MTR: variants seen among roughly 807,000 people sequenced by gnomAD.
MTR encodes the protein methionine synthase.
A neutral mutation model predicts 154.8 loss-of-function variants in MTR; 84 were observed. The ratio of observed to expected loss-of-function variants is 0.54; its 90% CI spans 0.45 to 0.65. The LOEUF (loss-of-function observed/expected upper bound fraction) is 0.65. MTR is among the 30% of genes least tolerant of loss of function. The pLI is 0.00. For missense variants in MTR, 1,275 were observed against 1,570.2 expected (o/e 0.81, Z 3.18); for synonymous variants, 554 against 553.9 (o/e 1.00, Z 0.00).
intron 12 of MTR, among the ~76,000 whole-genome samples, 199 bp downstream of exon 12, chr1:236,829,467 G>A (rs1662486266): frequency 6.6e-6 from 1 of 152,178 alleles, no homozygotes; most frequent in Non-Finnish European, 1.5e-5. Context: ...CAACTTTAGG[G>A]TAAAAGTGAA....
rs55748381 is a variant in MTR at position 236,838,732 on chromosome 1, A to C, written c.1515+133A>C. 352,747 of 900,232 alleles carry C rather than the reference A, an allele frequency of 0.39. 71,887 individuals are homozygous for C. The highest frequency in any genetic ancestry group is 0.46 in the East Asian group (17,401 of 37,730). The allele number at this position is 900,232 out of a possible 1,614,324, so 55.8% of individuals were successfully genotyped here. A position where few individuals can be genotyped will look rare whatever the true frequency, so the allele number is the denominator to read the frequency against. ...TCTCTTTCCATATACATTCATGTACATATATGTACACGTATCTGTATACAG... is the reference window on the plus strand; with the variant it reads ...TCTCTTTCCATATACATTCATGTACCTATATGTACACGTATCTGTATACAG... On this transcript the variant is annotated intron_variant, in intron 15 of 32. Coordinates refer to ENST00000366577, the MANE Select transcript of MTR (RefSeq NM_000254.3).
chr1:236,844,451 GGCGTGTGT>G (rs1558305063), intron 15 of MTR, among the ~76,000 whole-genome samples: 1 of 115,382 alleles, frequency 8.7e-6, no homozygotes, highest in African/African-American at 3.6e-5. Context: ...GTTCAGAAAG[GGCGTGTGT>G]GTGTGTGTGT....
chr1:236,805,788 A>G (rs192167730), intron 2 of MTR, among the ~76,000 whole-genome samples: 1 of 152,268 alleles, frequency 6.6e-6, no homozygotes, highest in East Asian at 1.9e-4. Flanking sequence ...GTGAGCCACC[A>G]TGCCTGGCTG....
In MTR at chr1:236,818,318, T is replaced by C. The variant is rs566711666; in HGVS notation, c.764+1775T>C. The stretch of plus-strand genomic sequence containing the variant: ...GTGTGAGATCTTAATAATAATGATA[T>C]AGTCTTTCCTAGCGATTAGGTAAAA... On this transcript the variant is annotated intron_variant, in intron 8 of 32. Coordinates refer to ENST00000366577, the MANE Select transcript of MTR (RefSeq NM_000254.3). Among the ~76,000 whole-genome samples, 17 of 142,392 alleles carry C rather than the reference T, an allele frequency of 1.2e-4. No individual in the cohort carries two copies. The East Asian group carries it at 3.2e-3, about 26-fold the overall frequency. The allele number at this position is 142,392 out of a possible 152,430, so 93.4% of individuals were successfully genotyped here.
chr1:236,865,776 C>A lies in MTR; in HGVS notation c.2405+2222C>A, dbSNP rs1221421930. On this transcript the variant is annotated intron_variant, in intron 22 of 32. Coordinates refer to ENST00000366577, the MANE Select transcript of MTR (RefSeq NM_000254.3). ...CCCAATTTATACAGTTCTTTAGTATCACTGATTTTTTTTTCTTTGTCACCT... is the reference window on the plus strand; with the variant it reads ...CCCAATTTATACAGTTCTTTAGTATAACTGATTTTTTTTTCTTTGTCACCT... Among the ~76,000 whole-genome samples, 8 of 152,068 alleles carry A rather than the reference C, an allele frequency of 5.3e-5. No individual in the cohort carries two copies. The East Asian group carries it at 1.4e-3, about 26-fold the overall frequency.
chr1:236,814,826 C>G (rs1258382804), intron 6 of MTR, among the ~76,000 whole-genome samples: 4 of 152,016 alleles, frequency 2.6e-5, no homozygotes, highest in Non-Finnish European at 5.9e-5. Flanking sequence ...TCTTTAGGAT[C>G]AATTTGTCTA....
intron 12 of MTR, among the ~76,000 whole-genome samples, chr1:236,830,158 T>C (rs1156532468): frequency 6.6e-6 from 1 of 151,836 alleles, no homozygotes; most frequent in African/African-American, 2.4e-5. Flanking sequence ...GGTTAACACA[T>C]ACGAACTATA....
At chr1:236,869,692 A>G (rs77633495) in intron 22 of MTR, among the ~76,000 whole-genome samples, 2,740 of 151,882 alleles carry the variant, frequency 0.018, 48 homozygotes, top group Non-Finnish European at 0.029. Flanking sequence ...GTGTAGGGGT[A>G]AAACAGGAGG....
At chr1:236,841,781 G>C (rs576328730) in intron 15 of MTR, among the ~76,000 whole-genome samples, 1 of 152,080 alleles carries the variant, frequency 6.6e-6, no homozygotes, top group Admixed American at 6.5e-5. Context: ...TTAATTGGCA[G>C]TTGCATGGGC....
Position 236,880,826 on chromosome 1 carries a change from G to C in MTR, c.2666G>C (p.Ser889Thr). 1 of 1,613,916 alleles carries C rather than the reference G, an allele frequency of 6.2e-7. No individual in the cohort carries two copies. Among genetic ancestry groups the C allele is most frequent in the Non-Finnish European group, 8.5e-7 (1 of 1,179,776 alleles). Residue 889 changes from serine (S) to threonine (T), a missense_variant, in exon 25 of 33, where the codon AGT becomes ACT. Ser to Thr is a moderately conservative substitution (Grantham distance 58). Coordinates refer to ENST00000366577, the MANE Select transcript of MTR (RefSeq NM_000254.3). ...ATCCATGTCCTGGACGCGTCCAAGA[G>C]TGTGGTGGTGGTAAGTGGGTGACCT... is the stretch of plus-strand genomic sequence containing the variant. Reference protein sequence around the residue: ...PVIHVLDASKSVVVCSQLLDE... With the variant: ...PVIHVLDASKTVVVCSQLLDE...
chr1:236,799,398 C>T (rs1203646375), intron 1 of MTR, among the ~76,000 whole-genome samples: 20 of 152,154 alleles, frequency 1.3e-4, no homozygotes, highest in Non-Finnish European at 1.3e-4. Flanking sequence ...GTTGGGATTA[C>T]AAGTGTGAAC....
At chr1:236,884,257 G>C (rs1359705942) in intron 25 of MTR, among the ~76,000 whole-genome samples, 1 of 152,212 alleles carries the variant, frequency 6.6e-6, no homozygotes, top group African/African-American at 2.4e-5. Context: ...TAGTGAATGT[G>C]TGATTGCAGC....
chr1:236,893,083 T>C (rs1666420374), intron 29 of MTR, among the ~76,000 whole-genome samples: 1 of 152,164 alleles, frequency 6.6e-6, no homozygotes, highest in Non-Finnish European at 1.5e-5. Flanking sequence ...TAGGCTCTGA[T>C]TGCTGTCTCT....
chr1:236,889,629 G>A (rs769614663), intron 28 of MTR, among the ~76,000 whole-genome samples: 5 of 152,218 alleles, frequency 3.3e-5, no homozygotes, highest in Non-Finnish European at 7.3e-5. Context: ...TCTAGCACCT[G>A]ACTAGCTGGC....
intron 29 of MTR, 94 bp downstream of exon 29, chr1:236,891,423 C>T (rs775534098): frequency 5.5e-6 from 7 of 1,262,478 alleles, no homozygotes; most frequent in Non-Finnish European, 8.0e-6. Flanking sequence ...GTCTGCTTCA[C>T]CTCCTCCCAA....
rs751829488 is a variant in MTR, at chr1:236,815,618, A to C, written c.624A>C (p.Ala208=). Residue 208 remains alanine (A), a synonymous_variant, in exon 7 of 33, where the codon GCA becomes GCC. Coordinates refer to ENST00000366577, the MANE Select transcript of MTR (RefSeq NM_000254.3). ...DTANAKAALF[A]LQNLFEEKYA... is the part of the protein sequence containing the mutation. ...TTCCCTGACAGGCAGCCTTGTTTGCACTCCAAAATCTTTTTGAGGAGAAAT... is the reference window on the plus strand; with the variant it reads ...TTCCCTGACAGGCAGCCTTGTTTGCCCTCCAAAATCTTTTTGAGGAGAAAT... The C allele has an allele frequency of 3.7e-6, 6 of 1,613,886 alleles. No individual in the cohort carries two copies. In the African/African-American group the frequency reaches 5.3e-5, roughly 14 times the overall value.
intron 11 of MTR, 106 bp downstream of exon 11, chr1:236,827,002 G>A: frequency 9.9e-7 from 1 of 1,012,068 alleles, no homozygotes; most frequent in South Asian, 1.3e-5. Context: ...TCCAAAATTT[G>A]TATGTTGAAG....
intron 1 of MTR, among the ~76,000 whole-genome samples, chr1:236,799,697 G>A (rs939153439): frequency 6.6e-6 from 1 of 151,690 alleles, no homozygotes. Flanking sequence ...TTTAGACATT[G>A]AAGAATCTCC....
rs753560346 is a variant in MTR, at chr1:236,902,181, G to C, written c.*4537G>C. The C allele has an allele frequency of 6.6e-6, 1 of 152,180 alleles. No individual in the cohort carries two copies. Among genetic ancestry groups the C allele is most frequent in the South Asian group, 2.1e-4 (1 of 4,822 alleles). The allele number at this position is 152,180 out of a possible 1,614,324, so 9.4% of individuals were successfully genotyped here. On this transcript the variant is annotated 3_prime_UTR_variant, in exon 33 of 33. Coordinates refer to ENST00000366577, the MANE Select transcript of MTR (RefSeq NM_000254.3). ...TGCAAAGCCTTCCATGTCTGACCCTGCCTCATGTCTTGGAAGCCCTAGACT... is the reference window on the plus strand; with the variant it reads ...TGCAAAGCCTTCCATGTCTGACCCTCCCTCATGTCTTGGAAGCCCTAGACT...
Sources: gnomAD v4.1 joint callset for allele counts (sites outside exome capture counted in the v4.1 genomes callset) on GRCh38, gnomAD v4.1.1 for gene constraint, MANE v1.5 for transcripts, NCBI Gene and HGNC (gene_info 2026-07-23, HGNC 2026-07-21) for gene names.